Variants in PRKN observed in about 807,000 individuals in gnomAD.
The protein encoded by PRKN is E3 ubiquitin-protein ligase parkin.
In PRKN, 56 loss-of-function variants were observed where a neutral mutation model predicts 59.5. The ratio of observed to expected loss-of-function variants is 0.94; its 90% CI spans 0.76 to 1.18. The LOEUF (loss-of-function observed/expected upper bound fraction) is 1.18, where lower values mean the gene tolerates loss of function less well. Among genes scored for constraint, PRKN ranks in the 50% most tolerant of loss-of-function variants. The pLI, the probability that PRKN is intolerant of heterozygous loss-of-function variation, is 0.00. For synonymous variants in PRKN, 250 were observed against 222.1 expected (o/e 1.13, Z -1.12); for missense variants, 657 against 596.4 (o/e 1.10, Z -1.06).
At chr6:162,362,405 A>G (rs1785189249) in intron 2 of PRKN, among the ~76,000 whole-genome samples, 1 of 152,178 alleles carries the variant, frequency 6.6e-6, no homozygotes, top group Admixed American at 6.5e-5. Context: ...CTATCTTTAA[A>G]AAAGTAATAG....
At chr6:162,466,355 T>C (rs1791414696) in intron 1 of PRKN, among the ~76,000 whole-genome samples, 1 of 152,200 alleles carries the variant, frequency 6.6e-6, no homozygotes, top group Admixed American at 6.5e-5. Flanking sequence ...ATTAATCTAT[T>C]CCCAGGCATT....
At chr6:162,645,927 T>G (rs570537987) in intron 1 of PRKN, among the ~76,000 whole-genome samples, 1 of 142,892 alleles carries the variant, frequency 7.0e-6, no homozygotes, top group African/African-American at 2.6e-5. Context: ...CAGGCTGGAG[T>G]GCAGTGGCAA....
At chr6:162,271,641 C>T (rs1780400316) in intron 2 of PRKN, 1 of 151,804 alleles carries the variant, frequency 6.6e-6, no homozygotes, top group South Asian at 2.1e-4. Flanking sequence ...TGTTTCAAGA[C>T]AAGATGAGCC....
At chr6:161,358,258 T>A (rs1038632254) in intron 11 of PRKN, among the ~76,000 whole-genome samples, 16 of 152,216 alleles carry the variant, frequency 1.1e-4, no homozygotes, top group African/African-American at 3.6e-4. Flanking sequence ...TCCAGAAAAG[T>A]TACGCTAACT....
At chr6:162,358,962 A>C (rs1666530437) in intron 2 of PRKN, among the ~76,000 whole-genome samples, 1 of 150,118 alleles carries the variant, frequency 6.7e-6, no homozygotes, top group Admixed American at 6.7e-5. Context: ...GAGGAGACTG[A>C]GTCAGGAGAA....
intron 9 of PRKN, among the ~76,000 whole-genome samples, chr6:161,404,499 C>G (rs995514430): frequency 1.1e-4 from 17 of 152,122 alleles, no homozygotes; most frequent in African/African-American, 4.1e-4. Context: ...ATAAATTGAG[C>G]TAATATCATC....
chr6:162,039,625 T>C (rs1783986278), intron 5 of PRKN, among the ~76,000 whole-genome samples: 1 of 152,238 alleles, frequency 6.6e-6, no homozygotes, highest in East Asian at 1.9e-4. Context: ...GCCAGCGCCA[T>C]GCTTCTTGTA....
intron 2 of PRKN, among the ~76,000 whole-genome samples, chr6:162,292,217 G>T (rs571514192): frequency 6.6e-6 from 1 of 152,084 alleles, no homozygotes; most frequent in East Asian, 1.9e-4. Flanking sequence ...GCCCACCTCG[G>T]CCTCCCAAAG....
At chr6:161,905,410 T>A (rs990608465) in intron 6 of PRKN, among the ~76,000 whole-genome samples, 6 of 152,224 alleles carry the variant, frequency 3.9e-5, no homozygotes, top group Non-Finnish European at 8.8e-5. Context: ...TGTATGTCTA[T>A]GGACAGGTTT....
At chr6:162,254,312 C>A (rs1779557724) in intron 3 of PRKN, among the ~76,000 whole-genome samples, 2 of 151,920 alleles carry the variant, frequency 1.3e-5, no homozygotes, top group African/African-American at 4.8e-5. Context: ...CAAAAATTAG[C>A]TGGGCATGGT....
intron 7 of PRKN, chr6:161,783,831 A>T: frequency 2.9e-6 from 1 of 349,428 alleles, no homozygotes; most frequent in East Asian, 7.9e-5. Flanking sequence ...AACATATATT[A>T]TGTGAATCTT....
chr6:161,934,269 AT>A (rs1414549531), intron 6 of PRKN, among the ~76,000 whole-genome samples: 2 of 152,152 alleles, frequency 1.3e-5, no homozygotes, highest in Non-Finnish European at 2.9e-5. Context: ...TTCTTGAGGC[AT>A]CCCCAGACAT....
intron 2 of PRKN, among the ~76,000 whole-genome samples, chr6:162,334,227 T>G (rs1378238123): frequency 6.6e-6 from 1 of 152,236 alleles, no homozygotes; most frequent in Non-Finnish European, 1.5e-5. Flanking sequence ...TAAGATTGGA[T>G]ACACCAAACA....
chr6:162,460,617 G>A (rs561130907), intron 1 of PRKN, among the ~76,000 whole-genome samples: 6 of 152,192 alleles, frequency 3.9e-5, no homozygotes, highest in African/African-American at 1.4e-4. Context: ...TAAAGTACTT[G>A]GCAAAACACT....
At position 162,021,133 on chromosome 6, in the gene PRKN, T is replaced by C. The variant is rs1335213343; in HGVS notation, c.618+32958A>G. Among the ~76,000 whole-genome samples the C allele has an allele frequency of 8.8e-4, 4 of 4,564 alleles. No individual in the cohort carries two copies. In the African/African-American group the frequency reaches 0.01, roughly 12 times the overall value. The allele number at this position is 4,564 out of a possible 152,430, so 3.0% of individuals were successfully genotyped here. On this transcript the variant is annotated intron_variant, in intron 5 of 11. Coordinates refer to ENST00000366898, the MANE Select transcript of PRKN (RefSeq NM_004562.3). ...AAAAACAAAAACATATATATATATA[T>C]ATATATATATATATATATATATATA...
intron 2 of PRKN, among the ~76,000 whole-genome samples, chr6:162,277,281 G>A (rs1391475203): frequency 6.6e-6 from 1 of 152,096 alleles, no homozygotes; most frequent in African/African-American, 2.4e-5. Context: ...GATTCGGCAG[G>A]CATCACTGTA....
Position 161,885,985 on chromosome 6 carries a change from CA to C in PRKN, c.734+87316del, listed in dbSNP as rs201810275. ...GATATAAAATAATGGTTTGCATTTG[CA>C]AAACTGAGTGAAATGCTCTAGGTTT... On this transcript the variant is annotated intron_variant, in intron 6 of 11. Transcript: ENST00000366898. 6.8e-3 allele frequency among the ~76,000 whole-genome samples: 1,040 copies of C among 152,192 alleles called. 8 individuals are homozygous for C. The highest frequency in any genetic ancestry group is 0.024 in the African/African-American group (985 of 41,516).
intron 6 of PRKN, among the ~76,000 whole-genome samples, chr6:161,811,026 G>T (rs1262585309): frequency 6.6e-6 from 1 of 152,126 alleles, no homozygotes; most frequent in Non-Finnish European, 1.5e-5. Context: ...TTCTCAAAAT[G>T]ATCTGTAGAT....
At chr6:162,168,423 T>C (rs73592367) in intron 4 of PRKN, among the ~76,000 whole-genome samples, 1,945 of 152,142 alleles carry the variant, frequency 0.013, 34 homozygotes, top group African/African-American at 0.037. Context: ...AAGTTCATAC[T>C]GGCTACTTGA....
Sources: gnomAD v4.1 joint callset for allele counts (sites outside exome capture counted in the v4.1 genomes callset) on GRCh38, gnomAD v4.1.1 for gene constraint, MANE v1.5 for transcripts, NCBI Gene and HGNC (gene_info 2026-07-23, HGNC 2026-07-21) for gene names.